Variants in NPAS3 observed in about 807,000 individuals in gnomAD.
NPAS3 encodes neuronal PAS domain protein 3.
In NPAS3, 14 loss-of-function variants were observed where a neutral mutation model predicts 73.1. The observed-to-expected ratio is 0.19, with a 90% CI of 0.13 to 0.30. The LOEUF (loss-of-function observed/expected upper bound fraction) is 0.30, where lower values mean the gene tolerates loss of function less well. NPAS3 is among the 10% of genes least tolerant of loss of function. The pLI is 1.00. For synonymous variants in NPAS3, 620 were observed against 541.5 expected (o/e 1.14, Z -2.01); for missense variants, 1,096 against 1,250.0 (o/e 0.88, Z 1.86).
At chr14:33,582,030 A>G (rs1327255907) in intron 5 of NPAS3, 1 of 152,178 alleles carries the variant, frequency 6.6e-6, no homozygotes, top group African/African-American at 2.4e-5. Context: ...TTATCCTGTC[A>G]AATATACTCA....
At chr14:33,512,857 C>T (rs1187315141) in intron 4 of NPAS3, among the ~76,000 whole-genome samples, 1 of 152,046 alleles carries the variant, frequency 6.6e-6, no homozygotes, top group Non-Finnish European at 1.5e-5. Context: ...AAAAAATACA[C>T]TTCAGTGACT....
At chr14:33,191,629 C>T (rs2046174546) in intron 2 of NPAS3, among the ~76,000 whole-genome samples, 1 of 152,128 alleles carries the variant, frequency 6.6e-6, no homozygotes, top group Admixed American at 6.6e-5. Flanking sequence ...CCAATCAGAA[C>T]CCTGGCTTGC....
chr14:33,179,839 A>C (rs904199875), intron 2 of NPAS3, among the ~76,000 whole-genome samples: 8 of 152,242 alleles, frequency 5.3e-5, no homozygotes, highest in Admixed American at 2.6e-4. Context: ...TTCTAAATGC[A>C]CATGAATCAG....
At chr14:33,540,549 TACA>T (rs1169905252) in intron 4 of NPAS3, among the ~76,000 whole-genome samples, 1 of 152,200 alleles carries the variant, frequency 6.6e-6, no homozygotes, top group East Asian at 1.9e-4. Flanking sequence ...TATTCCTGGC[TACA>T]ACAAGACATA....
At chr14:33,802,708 C>A (rs1413765338), downstream of NPAS3, 2 of 152,394 alleles carry the variant, frequency 1.3e-5, no homozygotes, top group East Asian at 3.8e-4. Context: ...CAGTCCCATT[C>A]CTGCAGTCCT....
intron 2 of NPAS3, among the ~76,000 whole-genome samples, chr14:33,169,517 G>A (rs988057664): frequency 1.3e-5 from 2 of 152,132 alleles, no homozygotes; most frequent in South Asian, 2.1e-4. Context: ...GCAGTGAGCC[G>A]AGATCATGCC....
intron 4 of NPAS3, among the ~76,000 whole-genome samples, chr14:33,472,935 T>C (rs1236307569): frequency 2.0e-5 from 3 of 150,742 alleles, no homozygotes; most frequent in African/African-American, 7.5e-5. Context: ...ATGGAAACCA[T>C]TTAAAAAGCA....
At chr14:33,376,116 A>G (rs10148795) in intron 4 of NPAS3, among the ~76,000 whole-genome samples, 46,508 of 152,030 alleles carry the variant, frequency 0.31, 7,530 homozygotes, top group South Asian at 0.42. Context: ...ACAGACACAC[A>G]GGATCAAACA....
chr14:33,709,634 A>C (rs1321338546), intron 6 of NPAS3, among the ~76,000 whole-genome samples: 1 of 152,204 alleles, frequency 6.6e-6, no homozygotes, highest in African/African-American at 2.4e-5. Context: ...TGATTCCCAC[A>C]AGGGCCAACC....
chr14:33,662,857 AATGGGG>A (rs530754649), intron 5 of NPAS3, among the ~76,000 whole-genome samples: 14 of 147,442 alleles, frequency 9.5e-5, no homozygotes, highest in Admixed American at 6.7e-5. Flanking sequence ...GGGCTGAGAC[AATGGGG>A]TTTTCCTTTT....
At chr14:33,055,128 T>C (rs1362030000) in intron 1 of NPAS3, among the ~76,000 whole-genome samples, 1 of 152,200 alleles carries the variant, frequency 6.6e-6, no homozygotes, top group African/African-American at 2.4e-5. Context: ...TAAATACTTT[T>C]TTCCCTGAAT....
chr14:33,560,071 C>T lies in NPAS3; in HGVS notation c.469-50C>T, dbSNP rs374525336. 2.1e-4 allele frequency: 155 copies of T among 733,000 alleles called. 10 individuals are homozygous for T. The highest frequency in any genetic ancestry group is 1.3e-3 in the East Asian group (46 of 36,132). The allele number at this position is 733,000 out of a possible 1,614,324, so 45.4% of individuals were successfully genotyped here. On this transcript the variant is annotated intron_variant, in intron 4 of 11. Coordinates refer to ENST00000356141, the Ensembl canonical transcript of NPAS3. ...TCAGTTGCCTTACTAATTAAATCTG[C>T]ATCCTTTGTATTTATTAATCTATTT...
At chr14:33,456,405 T>C in intron 4 of NPAS3, among the ~76,000 whole-genome samples, 1 of 152,106 alleles carries the variant, frequency 6.6e-6, no homozygotes, top group East Asian at 1.9e-4. Context: ...ACTGTAGGAA[T>C]AGCAACATGC....
intron 7 of NPAS3, among the ~76,000 whole-genome samples, chr14:33,736,711 T>C (rs181019472): frequency 1.6e-3 from 246 of 152,328 alleles, no homozygotes; most frequent in Non-Finnish European, 3.1e-3. Context: ...TGGGGCTTCC[T>C]TTCTGTTTTC....
At chr14:33,778,225 A>C (rs2062878825) in intron 8 of NPAS3, among the ~76,000 whole-genome samples, 1 of 152,236 alleles carries the variant, frequency 6.6e-6, no homozygotes, top group Non-Finnish European at 1.5e-5. Flanking sequence ...CCAAAGAAAG[A>C]GAAAAACCTA....
chr14:33,673,658 G>A (rs797016986), intron 5 of NPAS3, among the ~76,000 whole-genome samples: 4 of 152,332 alleles, frequency 2.6e-5, no homozygotes, highest in African/African-American at 9.6e-5. Context: ...ACCAAGTCTT[G>A]TCTTCTTCCC....
At chr14:33,742,607 C>T (rs1362891073) in intron 7 of NPAS3, among the ~76,000 whole-genome samples, 1 of 152,144 alleles carries the variant, frequency 6.6e-6, no homozygotes, top group East Asian at 1.9e-4. Flanking sequence ...GCTGACTGAT[C>T]AGGGTGGTGG....
rs1039680597 is a variant in NPAS3 at position 33,800,086 on chromosome 14, C to T, written c.1779C>T (p.Ala593=). Residue 593 remains alanine (A), a synonymous_variant, in exon 12 of 12, where the codon GCC becomes GCT. Coordinates refer to ENST00000356141, the Ensembl canonical transcript of NPAS3. The surrounding 1 kb of genome is among the most constrained non-coding windows in gnomAD (Gnocchi z 6.5). ...GCGCAGGCGAGGCGGGCGCGCAGGCCTCCAGCAAGCACCAGAAGCGCAAGA... is the reference window on the plus strand; with the variant it reads ...GCGCAGGCGAGGCGGGCGCGCAGGCTTCCAGCAAGCACCAGAAGCGCAAGA... 1.0e-5 allele frequency: 16 copies of T among 1,593,662 alleles called. No homozygotes were observed. Among genetic ancestry groups the T allele is most frequent in the South Asian group, 3.3e-5 (3 of 89,698 alleles).
At chr14:33,607,516 T>G (rs974394304) in intron 5 of NPAS3, among the ~76,000 whole-genome samples, 4 of 151,946 alleles carry the variant, frequency 2.6e-5, no homozygotes, top group African/African-American at 9.7e-5. Context: ...CAGTGGGTGA[T>G]GGAGAGAGAG....
Sources: allele counts gnomAD v4.1 joint callset (sites outside exome capture counted in the v4.1 genomes callset), GRCh38; gene constraint gnomAD v4.1.1; non-coding constraint Gnocchi (gnomAD v3.1); transcripts MANE v1.5; gene names NCBI Gene and HGNC (gene_info 2026-07-23, HGNC 2026-07-21).